Variants in MACROD2 observed in about 807,000 individuals in gnomAD.
The protein encoded by MACROD2 is ADP-ribose glycohydrolase MACROD2.
A neutral mutation model predicts 70.4 loss-of-function variants in MACROD2; 36 were observed. The ratio of observed to expected loss-of-function variants is 0.51; its 90% CI spans 0.39 to 0.68. The LOEUF (loss-of-function observed/expected upper bound fraction) is 0.68, where lower values mean the gene tolerates loss of function less well. MACROD2 is among the 30% of genes least tolerant of loss of function. MACROD2 has a pLI of 0.00. For synonymous variants in MACROD2, 172 were observed against 178.8 expected (o/e 0.96, Z 0.30); for missense variants, 496 against 538.4 (o/e 0.92, Z 0.78).
chr20:15,371,906 G>T (rs192370493), intron 6 of MACROD2, among the ~76,000 whole-genome samples: 1 of 151,878 alleles, frequency 6.6e-6, no homozygotes, highest in Non-Finnish European at 1.5e-5. Context: ...TGTTTTTTAC[G>T]CTTTCACTAC....
intron 2 of MACROD2, chr20:14,053,315 A>G (rs1308508441): frequency 6.6e-6 from 1 of 152,168 alleles, no homozygotes; most frequent in East Asian, 1.9e-4. Flanking sequence ...GAATGAAGGT[A>G]GAAAACTGAA....
At chr20:14,208,659 C>T (rs995338462) in intron 3 of MACROD2, among the ~76,000 whole-genome samples, 2 of 152,154 alleles carry the variant, frequency 1.3e-5, no homozygotes, top group Non-Finnish European at 1.5e-5. Flanking sequence ...TTGTTGATCT[C>T]TTTGTGCATT....
chr20:15,397,952 GA>G, intron 6 of MACROD2, among the ~76,000 whole-genome samples: 1 of 152,230 alleles, frequency 6.6e-6, no homozygotes, highest in Admixed American at 6.5e-5. Context: ...TTAGAGCAGA[GA>G]AAAACTATAG....
chr20:14,819,313 A>G (rs891347583), intron 5 of MACROD2, among the ~76,000 whole-genome samples: 1 of 151,556 alleles, frequency 6.6e-6, no homozygotes, highest in African/African-American at 2.4e-5. Flanking sequence ...AAAAAATCAC[A>G]AACTAGTCAG....
chr20:14,549,018 C>T (rs984964795), intron 4 of MACROD2, among the ~76,000 whole-genome samples: 2 of 152,152 alleles, frequency 1.3e-5, no homozygotes, highest in African/African-American at 2.4e-5. Context: ...GCAAAGCAAG[C>T]CCACTCTAGT....
At chr20:14,711,519 T>G (rs2071338063) in intron 5 of MACROD2, among the ~76,000 whole-genome samples, 1 of 152,204 alleles carries the variant, frequency 6.6e-6, no homozygotes, top group Non-Finnish European at 1.5e-5. Flanking sequence ...TTATATATTC[T>G]TGAAGGCTTT....
At chr20:14,439,396 T>A (rs964407961) in intron 3 of MACROD2, among the ~76,000 whole-genome samples, 1 of 152,176 alleles carries the variant, frequency 6.6e-6, no homozygotes, top group Admixed American at 6.5e-5. Context: ...GTTCCCCATT[T>A]AAAAAATATC....
At chr20:14,653,007 C>T (rs1458899339) in intron 4 of MACROD2, among the ~76,000 whole-genome samples, 1 of 152,088 alleles carries the variant, frequency 6.6e-6, no homozygotes, top group Admixed American at 6.5e-5. Context: ...ATTTATTAGC[C>T]GTGTATACCC....
At chr20:14,962,425 A>G (rs2074591488) in intron 5 of MACROD2, among the ~76,000 whole-genome samples, 1 of 150,904 alleles carries the variant, frequency 6.6e-6, no homozygotes, top group South Asian at 2.1e-4. Flanking sequence ...CAGCCTCTCA[A>G]GTACACACAC....
At chr20:15,863,974 A>T (rs1017863390) in intron 9 of MACROD2, among the ~76,000 whole-genome samples, 2 of 152,246 alleles carry the variant, frequency 1.3e-5, no homozygotes, top group African/African-American at 4.8e-5. Flanking sequence ...CTTCAACTAA[A>T]GTATTCCTCT....
chr20:15,408,636 C>T (rs1234027059), intron 6 of MACROD2, among the ~76,000 whole-genome samples: 2 of 152,156 alleles, frequency 1.3e-5, no homozygotes, highest in Admixed American at 6.5e-5. Flanking sequence ...GGAATAAAAC[C>T]ACATTAGAGA....
At chr20:15,951,664 C>G (rs555142449) in intron 12 of MACROD2, among the ~76,000 whole-genome samples, 1 of 152,190 alleles carries the variant, frequency 6.6e-6, no homozygotes, top group East Asian at 1.9e-4. Flanking sequence ...AACATGCAAG[C>G]GCATGCATGC....
At chr20:15,639,053 A>G (rs1306576137) in intron 8 of MACROD2, among the ~76,000 whole-genome samples, 3 of 152,184 alleles carry the variant, frequency 2.0e-5, no homozygotes, top group Non-Finnish European at 4.4e-5. Context: ...CAGCAACAGC[A>G]GGTTCGGGGC....
chr20:14,285,394 T>C (rs1428921536), intron 3 of MACROD2, among the ~76,000 whole-genome samples: 1 of 152,216 alleles, frequency 6.6e-6, no homozygotes. Context: ...TGTGATGTCA[T>C]GTTGGTCACA....
intron 8 of MACROD2, among the ~76,000 whole-genome samples, chr20:15,642,415 C>T (rs951026835): frequency 2.0e-5 from 3 of 152,230 alleles, no homozygotes; most frequent in Admixed American, 6.5e-5. Context: ...AGGTGGTTTT[C>T]GAATTCAACC....
intron 2 of MACROD2, among the ~76,000 whole-genome samples, chr20:14,060,329 G>A (rs1485165309): frequency 6.6e-6 from 1 of 152,158 alleles, no homozygotes; most frequent in African/African-American, 2.4e-5. Flanking sequence ...GAAAGGGGAT[G>A]AAAGGCTAGC....
At chr20:14,240,940 C>G (rs1421910661) in intron 3 of MACROD2, among the ~76,000 whole-genome samples, 1 of 152,098 alleles carries the variant, frequency 6.6e-6, no homozygotes, top group African/African-American at 2.4e-5. Flanking sequence ...ATCAGCCTGA[C>G]CAACATGGTG....
chr20:14,082,497 A>G (rs2054012910), intron 2 of MACROD2, among the ~76,000 whole-genome samples: 1 of 151,814 alleles, frequency 6.6e-6, no homozygotes, highest in East Asian at 1.9e-4. Flanking sequence ...TGGCCCTCCC[A>G]TACCTTTCTT....
At chr20:15,418,294 G>T (rs1446498071) in intron 6 of MACROD2, among the ~76,000 whole-genome samples, 1 of 152,126 alleles carries the variant, frequency 6.6e-6, no homozygotes, top group African/African-American at 2.4e-5. Context: ...TGAGTATTCT[G>T]TCCATTTCTA....
Sources: gnomAD v4.1 joint callset for allele counts (sites outside exome capture counted in the v4.1 genomes callset) on GRCh38, gnomAD v4.1.1 for gene constraint, MANE v1.5 for transcripts, NCBI Gene and HGNC (gene_info 2026-07-23, HGNC 2026-07-21) for gene names.